The following FBLN7 variants were observed in gnomAD, a reference collection of about 807,000 sequenced individuals.
The protein encoded by FBLN7 is fibulin 7.
FBLN7 carries 31 observed loss-of-function variants against 44.0 expected under a neutral mutation model. That is an observed-to-expected ratio of 0.70 (90% CI 0.53 to 0.95). The LOEUF (loss-of-function observed/expected upper bound fraction) is 0.95. Among genes scored for constraint, FBLN7 ranks in the 40% least tolerant of loss-of-function variants. The pLI is 0.00. For missense variants in FBLN7, 573 were observed against 618.5 expected, an observed-to-expected ratio of 0.93 and a Z score of 0.78; for synonymous variants, 262 against 253.4, an observed-to-expected ratio of 1.03 and a Z score of -0.32.
At chr2:112,147,632 C>T (rs1003938599) in intron 1 of FBLN7, among the ~76,000 whole-genome samples, 6 of 152,118 alleles carry the variant, frequency 3.9e-5, no homozygotes, top group Non-Finnish European at 7.4e-5. Flanking sequence ...TCCCTGGGCT[C>T]GTGGCCCTGC....
downstream of FBLN7, among the ~76,000 whole-genome samples, chr2:112,191,891 G>A (rs934266589): frequency 2.0e-5 from 3 of 152,264 alleles, no homozygotes; most frequent in Middle Eastern, 3.4e-3. Context: ...AGAACAAAAT[G>A]TATTCAGAGT....
chr2:112,158,177 G>A (rs2872109), intron 1 of FBLN7, among the ~76,000 whole-genome samples: 1 of 151,842 alleles, frequency 6.6e-6, no homozygotes, highest in African/African-American at 2.4e-5. Flanking sequence ...GATTACAGGC[G>A]TGAGCCACCG....
the FBLN7 span, among the ~76,000 whole-genome samples, chr2:112,197,451 G>A: frequency 6.6e-6 from 1 of 152,152 alleles, no homozygotes; most frequent in African/African-American, 2.4e-5. Flanking sequence ...GCAGCCTTTG[G>A]AGGAAGTGTG....
intron 1 of FBLN7, among the ~76,000 whole-genome samples, chr2:112,150,027 G>A (rs1487544092): frequency 1.3e-5 from 2 of 152,212 alleles, no homozygotes; most frequent in African/African-American, 2.4e-5. Flanking sequence ...AGAGGCATGG[G>A]GGATATTGGT....
At chr2:112,201,534 C>G in the FBLN7 span, among the ~76,000 whole-genome samples, 13 of 152,128 alleles carry the variant, frequency 8.5e-5, no homozygotes, top group Non-Finnish European at 1.8e-4. Flanking sequence ...TTTTCCTCCC[C>G]TGGTTCAGAT....
chr2:112,181,859 G>C lies in FBLN7; in HGVS notation c.653G>C (p.Gly218Ala). The C allele has an allele frequency of 2.0e-6, 3 of 1,530,046 alleles. No individual in the cohort carries two copies. Among genetic ancestry groups the C allele is most frequent in the Non-Finnish European group, 2.6e-6 (3 of 1,143,984 alleles). The allele number at this position is 1,530,046 out of a possible 1,614,324, so 94.8% of individuals were successfully genotyped here. A position where few individuals can be genotyped will look rare whatever the true frequency, so the allele number is the denominator to read the frequency against. ...GGATTCCACCTGAGCGGCGCCGCCG[G>C]CGACAGCGTCTGCCAGGGTAGGCGC... Reference protein sequence around the residue: ...EAGFHLSGAAGDSVCQDVNEC... With the variant: ...EAGFHLSGAAADSVCQDVNEC... The change falls in exon 5 of 8, where the codon GGC (glycine) becomes GCC (alanine). Residue 218 changes from glycine to alanine, a missense_variant. Gly to Ala is a moderately conservative substitution (Grantham distance 60, BLOSUM62 0). Transcript: ENST00000331203.
the FBLN7 span, chr2:112,236,764 G>C: frequency 2.1e-6 from 3 of 1,396,680 alleles, no homozygotes; most frequent in Non-Finnish European, 2.9e-6. Flanking sequence ...AAGAAGTACG[G>C]GGCCAGGTGC....
intron 2 of FBLN7, among the ~76,000 whole-genome samples, chr2:112,160,810 ACACGCACACACAAGCACGCATACACG>A: frequency 6.8e-6 from 1 of 146,574 alleles, no homozygotes; most frequent in South Asian, 2.2e-4. Context: ...GCACGCACAC[ACACGCACACACAAGCACGCATACACG>A]CACGCACACG....
chr2:112,229,494 CAG>C, the FBLN7 span, among the ~76,000 whole-genome samples: 2 of 152,150 alleles, frequency 1.3e-5, no homozygotes, highest in Non-Finnish European at 2.9e-5. Context: ...GTGCTGTAAA[CAG>C]GGCTTTGCCC....
intron 6 of FBLN7, among the ~76,000 whole-genome samples, chr2:112,183,503 C>T (rs1487434326): frequency 1.3e-5 from 2 of 152,156 alleles, no homozygotes; most frequent in African/African-American, 4.8e-5. Flanking sequence ...AGTGAGGGGG[C>T]TTATCAGAGC....
At chr2:112,215,946 T>A in the FBLN7 span, 46 of 152,306 alleles carry the variant, frequency 3.0e-4, no homozygotes, top group African/African-American at 1.0e-3. Context: ...AATAGGAAAC[T>A]GGTTTAAAAA....
chr2:112,152,313 G>A (rs74916397), intron 1 of FBLN7: 1,529 of 152,412 alleles, frequency 0.01, 10 homozygotes, highest in Middle Eastern at 0.027. Flanking sequence ...AAGTGTGGCC[G>A]CAGTGCCGGC....
At chr2:112,226,604 A>AAAAAAAAAAAAC in the FBLN7 span, among the ~76,000 whole-genome samples, 3 of 151,064 alleles carry the variant, frequency 2.0e-5, 1 homozygote, top group Admixed American at 6.6e-5. Flanking sequence ...AAAAAAAAAA[A>AAAAAAAAAAAAC]AGCTCAGGCC....
chr2:112,234,329 C>T, the FBLN7 span: 3 of 962,022 alleles, frequency 3.1e-6, no homozygotes, highest in East Asian at 2.8e-5. Context: ...AACTTCAGAG[C>T]CTTAAAGGTG....
the FBLN7 span, among the ~76,000 whole-genome samples, chr2:112,209,839 T>A: frequency 6.7e-6 from 1 of 149,494 alleles, no homozygotes; most frequent in Admixed American, 6.6e-5. Flanking sequence ...AAAAAGGGTG[T>A]CAGAGCCAAA....
chr2:112,189,997 C>T (rs1683432984), downstream of FBLN7: 1 of 152,030 alleles, frequency 6.6e-6, no homozygotes, highest in African/African-American at 2.4e-5. Flanking sequence ...GCATTTTAAG[C>T]CTTTTTTTAA....
chr2:112,153,712 G>GAGGT (rs926563891), intron 1 of FBLN7, among the ~76,000 whole-genome samples: 1 of 152,220 alleles, frequency 6.6e-6, no homozygotes, highest in Non-Finnish European at 1.5e-5. Flanking sequence ...CTTGGACCAG[G>GAGGT]AGGTAGGGTC....
intron 1 of FBLN7, among the ~76,000 whole-genome samples, chr2:112,159,243 T>C (rs767383348): frequency 6.6e-6 from 1 of 151,520 alleles, no homozygotes; most frequent in Non-Finnish European, 1.5e-5. Context: ...ATAGGAACCA[T>C]TGGGCATTCC....
chr2:112,175,816 G>T lies in FBLN7; in HGVS notation c.509G>T (p.Arg170Leu), dbSNP rs778268085. The change falls in exon 4 of 8, where the codon CGC (arginine) becomes CTC (leucine). Residue 170 changes from arginine to leucine, a missense_variant. By Grantham distance (102) the Arg-to-Leu change is moderately radical. Transcript: ENST00000331203. ...TGTCCTCCAGGAAGGACTGGGAACC[G>T]CTGTCAGCATCAGGCCCAGACTGGT... is the stretch of plus-strand genomic sequence containing the variant. ...CICPPGRTGNRCQHQAQTAAP... is the reference protein window; with the variant it reads ...CICPPGRTGNLCQHQAQTAAP... The T allele has an allele frequency of 1.2e-6, 2 of 1,613,968 alleles. No individual in the cohort carries two copies. The highest frequency in any genetic ancestry group is 1.3e-5 in the African/African-American group (1 of 74,916).
Sources: allele counts gnomAD v4.1 joint callset (sites outside exome capture counted in the v4.1 genomes callset), GRCh38; gene constraint gnomAD v4.1.1; transcripts MANE v1.5; gene names NCBI Gene and HGNC (gene_info 2026-07-23, HGNC 2026-07-21).